Variants in SLC15A3 observed in about 807,000 individuals in gnomAD.
SLC15A3 encodes solute carrier family 15 member 3.
Under a neutral mutation model 49.2 loss-of-function variants are expected in SLC15A3, and 39 were observed. The ratio of observed to expected loss-of-function variants is 0.79; its 90% confidence interval spans 0.61 to 1.04. SLC15A3 has a LOEUF of 1.04. Among genes scored for constraint, SLC15A3 ranks in the 50% least tolerant of loss-of-function variants. The pLI, the probability that SLC15A3 is intolerant of heterozygous loss-of-function variation, is 0.00. For missense variants in SLC15A3, 758 were observed against 794.8 expected (o/e 0.95, Z 0.56); for synonymous variants, 339 against 367.0 (o/e 0.92, Z 0.87).
chr11:60,948,054 G>T (rs1856829643), intron 1 of SLC15A3, among the ~76,000 whole-genome samples: 1 of 152,216 alleles, frequency 6.6e-6, no homozygotes, highest in Non-Finnish European at 1.5e-5. Context: ...TTCAAGTAGA[G>T]ATTTATATTT....
In SLC15A3 at chr11:60,939,538, C is replaced by CCCT; in HGVS notation, c.1376_1377insAGG (p.Trp459delinsTer). The CCCT allele has an allele frequency of 6.2e-7, 1 of 1,614,176 alleles. No individual in the cohort carries two copies. Among genetic ancestry groups the CCCT allele is most frequent in the Non-Finnish European group, 8.5e-7 (1 of 1,180,016 alleles). Reference sequence around the variant, plus strand: ...TGAGCAGGTACTGAGGGATCTGCCACCAGATGGACAGTGGTGCCGCGTTGT... The same window carrying CCCT: ...TGAGCAGGTACTGAGGGATCTGCCACCCTCAGATGGACAGTGGTGCCGCGTTGT... On this transcript the variant is annotated stop_gained, in exon 6 of 8. Coordinates refer to ENST00000227880, the MANE Select transcript of SLC15A3 (RefSeq NM_016582.3). LOFTEE classifies it high-confidence loss of function.
chr11:60,943,947 C>T (rs1156441874), intron 2 of SLC15A3, 111 bp from the exon 3 acceptor site: 1 of 1,109,278 alleles, frequency 9.0e-7, no homozygotes, highest in Non-Finnish European at 1.2e-6. Context: ...CACCTGAGGT[C>T]AGGAGTTCAA....
intron 1 of SLC15A3, among the ~76,000 whole-genome samples, chr11:60,950,727 G>A (rs1183257084): frequency 6.6e-6 from 1 of 152,338 alleles, no homozygotes; most frequent in East Asian, 1.9e-4. Flanking sequence ...GGAGGCTGAG[G>A]TTGCAGTGCG....
At chr11:60,950,024 T>C (rs1469176162) in intron 1 of SLC15A3, among the ~76,000 whole-genome samples, 3 of 152,242 alleles carry the variant, frequency 2.0e-5, no homozygotes, top group Admixed American at 2.0e-4. Context: ...CATTTACTCA[T>C]TCATTTAGCA....
chr11:60,937,975 T>C lies in SLC15A3; in HGVS notation c.1486A>G (p.Met496Val), dbSNP rs772094365. 1.9e-6 allele frequency: 3 copies of C among 1,614,012 alleles called. No individual in the cohort carries two copies. In the African/African-American group the frequency reaches 4.0e-5, roughly 22 times the overall value. ...CCCGACAGGCAGAAGAAGATGCCCA[T>C]GATGGCGCCCTGCATGGAGCGCGGG... ...EAPRSMQGAI[M>V]GIFFCLSGVG... Residue 496 changes from methionine to valine, a missense_variant, in exon 7 of 8, where the codon ATG becomes GTG. Around this residue, in one of 3 missense-constraint regions of SLC15A3, gnomAD observed 699 missense variants for 706.7 expected, o/e 0.99. Coordinates refer to ENST00000227880, the MANE Select transcript of SLC15A3 (RefSeq NM_016582.3).
intron 3 of SLC15A3, chr11:60,942,961 C>T (rs1036995867): frequency 2.7e-5 from 4 of 149,802 alleles, no homozygotes; most frequent in African/African-American, 1.0e-4. Flanking sequence ...CACACACACA[C>T]ACACACACAC....
chr11:60,949,499 A>G lies in SLC15A3; in HGVS notation c.558+1495T>C, dbSNP rs866518088. 4.0e-3 allele frequency among the ~76,000 whole-genome samples: 523 copies of G among 130,512 alleles called. 10 individuals are homozygous for G. Among genetic ancestry groups the G allele is most frequent in the African/African-American group, 0.013 (392 of 30,528 alleles). 85.6% of individuals were successfully genotyped at this position (130,512 alleles called of 152,430 possible). A position where few individuals can be genotyped will look rare whatever the true frequency, so the allele number is the denominator to read the frequency against. ...GAGAAAGAAAGGAAGAAAGAAAGAA[A>G]GAAGGAAAGAAAGAAAGAAAGAAAG... On this transcript the variant is annotated intron_variant, in intron 1 of 7. Transcript: ENST00000227880.
At chr11:60,942,275 T>TAGTC (rs1856724354) in intron 3 of SLC15A3, 130 bp from the exon 4 acceptor site, 2 of 711,416 alleles carry the variant, frequency 2.8e-6, no homozygotes, top group Admixed American at 4.8e-5. Flanking sequence ...CTCAGGGAGA[T>TAGTC]AGTCACCTTC....
At position 60,946,574 on chromosome 11, in the gene SLC15A3, A is replaced by G. The variant is rs149694525; in HGVS notation, c.806T>C (p.Leu269Pro). The part of the protein sequence containing the change: ...SQVSSMLKLA[L>P]QNCCPQLWQR... ...CCACAGCTGGGGGCAGCAGTTTTGG[A>G]GAGCGAGCTTAAGCATAGAGGACAC... is the stretch of plus-strand genomic sequence containing the variant. The change falls in exon 2 of 8, where the codon CTC becomes CCC. Residue 269 changes from leucine to proline, a missense_variant. Leu to Pro is a moderately conservative substitution (Grantham distance 98, BLOSUM62 -3). Around this residue, in one of 3 missense-constraint regions of SLC15A3, gnomAD observed 699 missense variants for 706.7 expected, o/e 0.99. Coordinates refer to ENST00000227880, the MANE Select transcript of SLC15A3 (RefSeq NM_016582.3). The G allele has an allele frequency of 2.1e-4, 331 of 1,595,308 alleles. 1 individual carries two copies. The highest frequency in any genetic ancestry group is 1.0e-3 in the Middle Eastern group (6 of 5,854).
chr11:60,949,553 A>AAAGG (rs1856873248), intron 1 of SLC15A3, among the ~76,000 whole-genome samples: 1 of 80,418 alleles, frequency 1.2e-5, no homozygotes. Context: ...AGAAAGAAAG[A>AAAGG]AAGAAAGAAA....
intron 6 of SLC15A3, among the ~76,000 whole-genome samples, chr11:60,939,109 C>T (rs1054360152): frequency 1.7e-4 from 26 of 152,350 alleles, no homozygotes; most frequent in Middle Eastern, 3.4e-3. Context: ...AGGACCCCTT[C>T]TGCCCAAGGA....
intron 6 of SLC15A3, 89 bp downstream of exon 6, chr11:60,939,391 G>C (rs1590635681): frequency 6.6e-7 from 1 of 1,504,706 alleles, no homozygotes; most frequent in East Asian, 2.3e-5. Context: ...ATGGGCCCTG[G>C]GGGCTGCATC....
chr11:60,942,082 G>A lies in SLC15A3; in HGVS notation c.1060C>T (p.Pro354Ser), dbSNP rs538378649. The A allele has an allele frequency of 4.7e-5, 76 of 1,614,138 alleles. No individual in the cohort carries two copies. In the Middle Eastern group the frequency reaches 8.2e-4, roughly 18 times the overall value. ...LHIPNIFPAN[P>S]ANISVALRAQ... Reference sequence around the variant, plus strand: ...CTCAGGGCCACAGAGATGTTGGCCGGGTTGGCTGGGAAAATGTTTGGGATG... The same window carrying A: ...CTCAGGGCCACAGAGATGTTGGCCGAGTTGGCTGGGAAAATGTTTGGGATG... The change falls in exon 4 of 8, where the codon CCG (proline) becomes TCG (serine). Residue 354 changes from proline to serine, a missense_variant. This residue lies in a region of SLC15A3 where 699 missense variants were observed against 706.7 expected (regional missense o/e 0.99). Transcript: ENST00000227880.
chr11:60,940,617 A>G (rs1172917428), intron 5 of SLC15A3: 1 of 152,466 alleles, frequency 6.6e-6, no homozygotes, highest in Admixed American at 6.5e-5. Context: ...TCAGGGTCAT[A>G]AAGTTACTAA....
chr11:60,942,004 C>G, intron 4 of SLC15A3, 31 bp downstream of exon 4: 1 of 1,597,656 alleles, frequency 6.3e-7, no homozygotes, highest in African/African-American at 1.3e-5. Flanking sequence ...CCTGGCTGAA[C>G]TGGGTGCCGA....
At chr11:60,939,778 TG>T in intron 5 of SLC15A3, 140 bp from the exon 6 acceptor site, 7 of 949,358 alleles carry the variant, frequency 7.4e-6, no homozygotes, top group East Asian at 2.7e-5. Flanking sequence ...AATGCTGGAC[TG>T]GGGGGTGGAG....
intron 5 of SLC15A3, 81 bp from the exon 6 acceptor site, chr11:60,939,719 A>AT: frequency 3.3e-6 from 5 of 1,509,986 alleles, no homozygotes; most frequent in Non-Finnish European, 4.5e-6. Flanking sequence ...CATGGTGGGG[A>AT]TGGGGTACTC....
intron 2 of SLC15A3, among the ~76,000 whole-genome samples, chr11:60,944,700 C>G (rs1443029840): frequency 6.6e-6 from 1 of 152,170 alleles, no homozygotes; most frequent in South Asian, 2.1e-4. Context: ...AAATTCCCCC[C>G]CCTTGCTGTC....
In SLC15A3 at chr11:60,946,748, A is replaced by G; in HGVS notation, c.632T>C (p.Val211Ala). Residue 211 changes from valine to alanine, a missense_variant, in exon 2 of 8, where the codon GTG (valine) becomes GCG (alanine). Transcript: ENST00000227880. ...WFYWSINLGA[V>A]LSLLVVAFIQ... is the part of the protein sequence containing the mutation. ...AAACGCCACCACCAGCAGCGACAGC[A>G]CAGCACCCAGGTTGATGCTCCAGTA... is the stretch of plus-strand genomic sequence containing the variant. 1 of 1,614,222 alleles carries G rather than the reference A, an allele frequency of 6.2e-7. No homozygotes were observed. Among genetic ancestry groups the G allele is most frequent in the Non-Finnish European group, 8.5e-7 (1 of 1,180,040 alleles).
Sources: allele counts gnomAD v4.1 joint callset (sites outside exome capture counted in the v4.1 genomes callset), GRCh38; gene constraint gnomAD v4.1.1; regional missense constraint gnomAD v4.1.1; transcripts MANE v1.5; gene names NCBI Gene and HGNC (gene_info 2026-07-23, HGNC 2026-07-21).